Variants in ZBTB25 observed in about 807,000 individuals in gnomAD.
ZBTB25 encodes zinc finger and BTB domain containing 25.
Under a neutral mutation model 34.2 loss-of-function variants are expected in ZBTB25, and 20 were observed. The ratio of observed to expected loss-of-function variants is 0.58; its 90% CI spans 0.41 to 0.85. ZBTB25 has a LOEUF of 0.85. Among genes scored for constraint, ZBTB25 ranks in the 40% least tolerant of loss-of-function variants. ZBTB25 has a pLI of 0.00. For synonymous variants in ZBTB25, 175 were observed against 186.4 expected (o/e 0.94, Z 0.50); for missense variants, 437 against 521.8 (o/e 0.84, Z 1.58).
chr14:64,470,008 TTAA>T (rs1387989102), intron 2 of ZBTB25: 1 of 203,958 alleles, frequency 4.9e-6, no homozygotes, highest in Non-Finnish European at 1.1e-5. Flanking sequence ...CATAAGCTTT[TTAA>T]TGACCTCTGA....
chr14:64,490,578 A>T, intron 1 of ZBTB25, 38 bp from the exon 2 acceptor site: 1 of 1,524,108 alleles, frequency 6.6e-7, no homozygotes, highest in Non-Finnish European at 8.9e-7. Context: ...ATAGGTGTGT[A>T]TGTATATACG....
Position 64,457,930 on chromosome 14 carries a change from G to A in ZBTB25, c.174-8292C>T, listed in dbSNP as rs545835529. ...TTACGTTTATTTTAGACATGGCCTTGCTCTGTCGCCCAGGCAATCGGATGA... is the reference window on the plus strand; with the variant it reads ...TTACGTTTATTTTAGACATGGCCTTACTCTGTCGCCCAGGCAATCGGATGA... On this transcript the variant is annotated intron_variant, in intron 2 of 2. Transcript: ENST00000555220. 8 of 536,664 alleles carry A rather than the reference G, an allele frequency of 1.5e-5. No individual in the cohort carries two copies. In the South Asian group the frequency reaches 1.8e-4, roughly 12 times the overall value. The allele number at this position is 536,664 out of a possible 1,614,324, so 33.2% of individuals were successfully genotyped here.
upstream of ZBTB25, chr14:64,503,979 G>A (rs755758333): frequency 2.0e-5 from 3 of 152,164 alleles, no homozygotes; most frequent in Non-Finnish European, 4.4e-5. Flanking sequence ...TCTGTAGGCG[G>A]AAGCATAGGG....
In ZBTB25 at chr14:64,479,581, T is replaced by C. The variant is rs992492904; in HGVS notation, c.*7342A>G. ...GCGTAAAGAAGATCACCCTCCCTGATGTGGGTGGCTCTCATTCCATCAGTT... is the reference window on the plus strand; with the variant it reads ...GCGTAAAGAAGATCACCCTCCCTGACGTGGGTGGCTCTCATTCCATCAGTT... On this transcript the variant is annotated 3_prime_UTR_variant, in exon 3 of 3. Coordinates refer to ENST00000608382, the MANE Select transcript of ZBTB25 (RefSeq NM_006977.5). 6.6e-6 allele frequency: 1 copy of C among 152,238 alleles called. No homozygotes were observed. The highest frequency in any genetic ancestry group is 2.4e-5 in the African/African-American group (1 of 41,464). The allele number at this position is 152,238 out of a possible 1,614,324, so 9.4% of individuals were successfully genotyped here. A position where few individuals can be genotyped will look rare whatever the true frequency, so the allele number is the denominator to read the frequency against.
Position 64,484,879 on chromosome 14 carries a change from T to C in ZBTB25, c.*2044A>G. ...AATGAGATGATATTTTTGAGGGCAG[T>C]ACAAATTTCAATAGTTGCTTAAGTG... On this transcript the variant is annotated 3_prime_UTR_variant, in exon 3 of 3. Coordinates refer to ENST00000608382, the MANE Select transcript of ZBTB25 (RefSeq NM_006977.5). 1 of 404,698 alleles carries C rather than the reference T, an allele frequency of 2.5e-6. No homozygotes were observed. The highest frequency in any genetic ancestry group is 3.3e-6 in the Non-Finnish European group (1 of 299,130). The allele number at this position is 404,698 out of a possible 1,614,324, so 25.1% of individuals were successfully genotyped here. A position where few individuals can be genotyped will look rare whatever the true frequency, so the allele number is the denominator to read the frequency against.
At chr14:64,496,615 T>C (rs1833725522) in intron 1 of ZBTB25, among the ~76,000 whole-genome samples, 1 of 152,230 alleles carries the variant, frequency 6.6e-6, no homozygotes, top group Admixed American at 6.5e-5. Flanking sequence ...CCATTACATA[T>C]TAACATATTT....
intron 2 of ZBTB25, among the ~76,000 whole-genome samples, chr14:64,450,879 T>G (rs2078360133): frequency 6.6e-6 from 1 of 151,980 alleles, no homozygotes. Flanking sequence ...GGCTAATTTG[T>G]TTTATTGGCC....
At chr14:64,457,583 G>C (rs1027309867) in intron 2 of ZBTB25, among the ~76,000 whole-genome samples, 1 of 151,736 alleles carries the variant, frequency 6.6e-6, no homozygotes, top group Non-Finnish European at 1.5e-5. Flanking sequence ...AGCCTCCCAA[G>C]TAGCTGGGAT....
At chr14:64,466,628 T>C (rs1249564526) in intron 2 of ZBTB25, among the ~76,000 whole-genome samples, 2 of 152,172 alleles carry the variant, frequency 1.3e-5, no homozygotes, top group African/African-American at 2.4e-5. Flanking sequence ...TATCTTTCTG[T>C]TAGAGGCACA....
At chr14:64,500,989 T>C (rs1204005216) in intron 1 of ZBTB25, among the ~76,000 whole-genome samples, 1 of 152,192 alleles carries the variant, frequency 6.6e-6, no homozygotes, top group Non-Finnish European at 1.5e-5. Flanking sequence ...AGGCGGAGGC[T>C]GCAGTGAGCT....
chr14:64,483,020 C>T lies in ZBTB25; in HGVS notation c.*3903G>A, dbSNP rs929580812. 4 of 152,098 alleles carry T rather than the reference C, an allele frequency of 2.6e-5. No individual in the cohort carries two copies. The highest frequency in any genetic ancestry group is 9.7e-5 in the African/African-American group (4 of 41,416). 9.4% of individuals were successfully genotyped at this position (152,098 alleles called of 1,614,324 possible). On this transcript the variant is annotated 3_prime_UTR_variant, in exon 3 of 3. Coordinates refer to ENST00000608382, the MANE Select transcript of ZBTB25 (RefSeq NM_006977.5). ...GACTGTGCTGAGTTCTGATGATACG[C>T]TAATAAGAACAAATACTAAAACAGT...
Position 64,487,466 on chromosome 14 carries a change from T to C in ZBTB25, c.765A>G (p.Gln255=), listed in dbSNP as rs2078915158. 8 of 1,614,092 alleles carry C rather than the reference T, an allele frequency of 5.0e-6. No homozygotes were observed. Among genetic ancestry groups the C allele is most frequent in the South Asian group, 2.2e-5 (2 of 91,084 alleles). The change falls in exon 3 of 3, where the codon CAA becomes CAG. Residue 255 remains glutamine, a synonymous_variant. Coordinates refer to ENST00000608382, the MANE Select transcript of ZBTB25 (RefSeq NM_006977.5). ...ERFDSRSNLR[Q]HLHTHVSGSL... ...ATCCAGACACATGTGTATGGAGATGTTGCCTTAGGTTACTACGGGAATCAA... is the reference window on the plus strand; with the variant it reads ...ATCCAGACACATGTGTATGGAGATGCTGCCTTAGGTTACTACGGGAATCAA...
Position 64,453,825 on chromosome 14 carries a change from C to T in ZBTB25, c.174-4187G>A, listed in dbSNP as rs1369613607. 22 of 1,611,842 alleles carry T rather than the reference C, an allele frequency of 1.4e-5. No individual in the cohort carries two copies. The highest frequency in any genetic ancestry group is 4.5e-5 in the East Asian group (2 of 44,834). On this transcript the variant is annotated intron_variant, in intron 2 of 2. Transcript: ENST00000555220. The stretch of plus-strand genomic sequence containing the variant: ...GAGCAGATGACATTGAATTACTTCC[C>T]GAAGCTCAACACAAAGCTGAAGTCT...
upstream of ZBTB25, chr14:64,504,950 A>G (rs1428501954): frequency 1.3e-5 from 5 of 395,046 alleles, no homozygotes; most frequent in African/African-American, 4.1e-5. Flanking sequence ...GCGGCCGGTA[A>G]GTATTTGCCA....
At chr14:64,490,978 T>C (rs537848150) in intron 1 of ZBTB25, among the ~76,000 whole-genome samples, 20 of 152,376 alleles carry the variant, frequency 1.3e-4, no homozygotes, top group African/African-American at 4.8e-4. Context: ...TAGCTATAAA[T>C]GTTAATAACA....
At chr14:64,466,454 A>T (rs1181459705) in intron 2 of ZBTB25, among the ~76,000 whole-genome samples, 1 of 152,232 alleles carries the variant, frequency 6.6e-6, no homozygotes, top group Non-Finnish European at 1.5e-5. Context: ...ATTATGTGGT[A>T]ATACAGCCTC....
At chr14:64,453,263 G>C (rs2078405602) in intron 2 of ZBTB25, among the ~76,000 whole-genome samples, 1 of 151,890 alleles carries the variant, frequency 6.6e-6, no homozygotes. Context: ...TAAAATCTGA[G>C]GCTTGATATT....
chr14:64,471,154 CTTT>C (rs377652418), intron 2 of ZBTB25: 1,917 of 137,250 alleles, frequency 0.014, 31 homozygotes, highest in African/African-American at 0.05. Flanking sequence ...ATTTTCTTTT[CTTT>C]TTTTTTTTTT....
At position 64,463,627 on chromosome 14, in the gene ZBTB25, C is replaced by CAA. The variant is rs199975542; in HGVS notation, c.174-13991_174-13990dup. ...GCAACATAGGGAGACGCCATCTCTACAAAAAAAAAAAAAAGAAGAAGAACC... is the reference window on the plus strand; with the variant it reads ...GCAACATAGGGAGACGCCATCTCTACAAAAAAAAAAAAAAAAGAAGAAGAACC... On this transcript the variant is annotated intron_variant, in intron 2 of 2. Coordinates refer to the ZBTB25 transcript ENST00000555220. 8.5e-3 allele frequency among the ~76,000 whole-genome samples: 1,047 copies of CAA among 123,442 alleles called. 6 individuals carry two copies. The highest frequency in any genetic ancestry group is 0.029 in the African/African-American group (928 of 32,008). The allele number at this position is 123,442 out of a possible 152,430, so 81.0% of individuals were successfully genotyped here.
Sources: allele counts gnomAD v4.1 joint callset (sites outside exome capture counted in the v4.1 genomes callset), GRCh38; gene constraint gnomAD v4.1.1; transcripts MANE v1.5; gene names NCBI Gene and HGNC (gene_info 2026-07-23, HGNC 2026-07-21).